Variants in SMAGP observed in about 807,000 individuals in gnomAD.
SMAGP encodes small cell adhesion glycoprotein.
Under a neutral mutation model 10.1 loss-of-function variants are expected in SMAGP, and 7 were observed. That is an observed-to-expected ratio of 0.70 (90% CI 0.40 to 1.31). The LOEUF (loss-of-function observed/expected upper bound fraction) is 1.31, where lower values mean the gene tolerates loss of function less well. SMAGP is among the 50% of genes most tolerant of loss of function. SMAGP has a pLI of 0.01. For synonymous variants in SMAGP, 49 were observed against 47.2 expected, an observed-to-expected ratio of 1.04 and a Z score of -0.16; for missense variants, 113 against 116.5, an observed-to-expected ratio of 0.97 and a Z score of 0.14.
intron 2 of SMAGP, among the ~76,000 whole-genome samples, chr12:51,256,459 C>A (rs897524683): frequency 2.6e-5 from 4 of 152,096 alleles, no homozygotes; most frequent in Non-Finnish European, 5.9e-5. Context: ...CGGTGGCTCA[C>A]GCCAGTAATC....
Position 51,256,537 on chromosome 12 carries a change from C to T in SMAGP, c.35-9706G>A, listed in dbSNP as rs2137302687. On this transcript the variant is annotated intron_variant, in intron 2 of 3. Coordinates refer to ENST00000603798, the MANE Select transcript of SMAGP (RefSeq NM_001031628.2). Reference sequence around the variant, plus strand: ...AGCAGTTCAAGACCAGCCTGACCAACATGGAGAAACCCCATCTCTACTAAA... The same window carrying T: ...AGCAGTTCAAGACCAGCCTGACCAATATGGAGAAACCCCATCTCTACTAAA... Among the ~76,000 whole-genome samples, 2 of 152,248 alleles carry T rather than the reference C, an allele frequency of 1.3e-5. 1 individual carries two copies. The highest frequency in any genetic ancestry group is 2.9e-5 in the Non-Finnish European group (2 of 68,024).
intron 2 of SMAGP, among the ~76,000 whole-genome samples, chr12:51,256,099 A>G (rs1944882525): frequency 6.6e-6 from 1 of 152,066 alleles, no homozygotes; most frequent in African/African-American, 2.4e-5. Flanking sequence ...GACAGCATTG[A>G]TTGCTTTTGC....
intron 2 of SMAGP, among the ~76,000 whole-genome samples, chr12:51,268,616 GT>G (rs1324526796): frequency 1.9e-5 from 1 of 53,592 alleles, no homozygotes; most frequent in Non-Finnish European, 3.9e-5. Context: ...TTTGAGACCG[GT>G]CTCACTTTGT....
At chr12:51,263,918 A>G (rs139951519) in intron 2 of SMAGP, among the ~76,000 whole-genome samples, 10 of 152,176 alleles carry the variant, frequency 6.6e-5, no homozygotes, top group African/African-American at 2.4e-4. Context: ...TTGTTATGCC[A>G]TTCAATTACT....
rs1030849932 is a variant in SMAGP, at chr12:51,246,589, C to A, written c.115+162G>T. The A allele has an allele frequency of 1.2e-5, 6 of 511,538 alleles. No homozygotes were observed. The Admixed American group carries it at 2.4e-4, about 21-fold the overall frequency. The allele number at this position is 511,538 out of a possible 1,614,324, so 31.7% of individuals were successfully genotyped here. On this transcript the variant is annotated intron_variant, in intron 3 of 3. Coordinates refer to ENST00000603798, the MANE Select transcript of SMAGP (RefSeq NM_001031628.2). Reference sequence around the variant, plus strand: ...CTGGTAGTGCCTCTGACAGAAGCCTCCGAGTCTTTTATGGCTGTGTGTGTG... The same window carrying A: ...CTGGTAGTGCCTCTGACAGAAGCCTACGAGTCTTTTATGGCTGTGTGTGTG...
rs574895531 is a variant in SMAGP at position 51,245,413 on chromosome 12, A to G, written c.*528T>C. 2 of 152,940 alleles carry G rather than the reference A, an allele frequency of 1.3e-5. No homozygotes were observed. The highest frequency in any genetic ancestry group is 6.5e-5 in the Admixed American group (1 of 15,288). The allele number at this position is 152,940 out of a possible 1,614,324, so 9.5% of individuals were successfully genotyped here. On this transcript the variant is annotated 3_prime_UTR_variant, in exon 4 of 4. Coordinates refer to ENST00000603798, the MANE Select transcript of SMAGP (RefSeq NM_001031628.2). ...TCACGTAAGCATGAGGTTGTTGGGGAACACGGAAAGGAAGGGCTCAGATTA... is the reference window on the plus strand; with the variant it reads ...TCACGTAAGCATGAGGTTGTTGGGGGACACGGAAAGGAAGGGCTCAGATTA...
intron 2 of SMAGP, among the ~76,000 whole-genome samples, chr12:51,263,846 C>A (rs1448184831): frequency 6.6e-6 from 1 of 152,054 alleles, no homozygotes; most frequent in Non-Finnish European, 1.5e-5. Flanking sequence ...AAATAATTTT[C>A]ATTTCTTTTA....
intron 2 of SMAGP, among the ~76,000 whole-genome samples, chr12:51,263,704 G>A (rs1944948761): frequency 1.3e-5 from 2 of 152,240 alleles, no homozygotes; most frequent in South Asian, 2.1e-4. Context: ...AGCTTTACCT[G>A]GCACGGTGGG....
At chr12:51,246,389 G>C in intron 3 of SMAGP, 1 of 483,550 alleles carries the variant, frequency 2.1e-6, no homozygotes. Flanking sequence ...GATTCTTAAA[G>C]AAACGGGAAG....
intron 2 of SMAGP, among the ~76,000 whole-genome samples, chr12:51,254,414 G>A (rs1944869032): frequency 6.6e-6 from 1 of 152,076 alleles, no homozygotes; most frequent in Non-Finnish European, 1.5e-5. Flanking sequence ...GGGTGTGGTG[G>A]CGTATGCCTG....
chr12:51,253,067 G>A (rs1012097526), intron 2 of SMAGP, among the ~76,000 whole-genome samples: 1 of 152,128 alleles, frequency 6.6e-6, no homozygotes, highest in Non-Finnish European at 1.5e-5. Context: ...AGTCCATAAA[G>A]CAATGGTGAG....
At chr12:51,269,097 T>C in intron 2 of SMAGP, 148 bp downstream of exon 2, 1 of 789,482 alleles carries the variant, frequency 1.3e-6, no homozygotes, top group Non-Finnish European at 2.1e-6. Context: ...CACACTCTAG[T>C]TCCTGCTTCC....
At chr12:51,247,291 CATTAT>C (rs1348395406) in intron 2 of SMAGP, among the ~76,000 whole-genome samples, 9 of 152,178 alleles carry the variant, frequency 5.9e-5, no homozygotes, top group African/African-American at 9.7e-5. Flanking sequence ...TATATATTTA[CATTAT>C]ATTATATAGC....
intron 2 of SMAGP, among the ~76,000 whole-genome samples, chr12:51,259,530 C>T (rs1476188168): frequency 6.6e-6 from 1 of 152,124 alleles, no homozygotes; most frequent in African/African-American, 2.4e-5. Context: ...GAATTTAACA[C>T]ATTCCTTGCT....
intron 2 of SMAGP, among the ~76,000 whole-genome samples, chr12:51,249,243 A>C (rs969948052): frequency 2.0e-5 from 3 of 152,186 alleles, no homozygotes; most frequent in African/African-American, 7.2e-5. Context: ...ATAATAAACC[A>C]GTAAACACAT....
chr12:51,245,978 A>T lies in SMAGP; in HGVS notation c.257T>A (p.Leu86Ter), dbSNP rs778406881. ...TTCCTCTTTCTCGCTGCCCTTGGCC[A>T]AGTCACTCTCCATCTGGACGATGGC... The part of the protein sequence containing the change: ...PSAIVQMESD[L>*]AKGSEKEEYF... The change falls in exon 4 of 4, where the codon TTG becomes TAG. Residue 86 changes from leucine (L) to a stop codon, truncating the protein, a stop_gained. Transcript: ENST00000603798. LOFTEE classifies it high-confidence loss of function. 6.2e-7 allele frequency: 1 copy of T among 1,613,986 alleles called. No homozygotes were observed. Among genetic ancestry groups the T allele is most frequent in the South Asian group, 1.1e-5 (1 of 91,084 alleles).
intron 2 of SMAGP, among the ~76,000 whole-genome samples, chr12:51,248,434 ACTCTCTCTCTCTCTCTCTCTCTCT>A (rs56012746): frequency 2.6e-5 from 2 of 77,468 alleles, no homozygotes; most frequent in Non-Finnish European, 5.2e-5. Context: ...ACACACACAC[ACTCTCTCTCTCTCTCTCTCTCTCT>A]CTCTCTCTCT....
rs1944755010 is a variant in SMAGP at position 51,245,461 on chromosome 12, G to T, written c.*480C>A. On this transcript the variant is annotated 3_prime_UTR_variant, in exon 4 of 4. Transcript: ENST00000603798. ...TTAGGGGGTGTAGCACATTTATCAGGAGGTAAGATCTCCATAGTCTCCTAC... is the reference window on the plus strand; with the variant it reads ...TTAGGGGGTGTAGCACATTTATCAGTAGGTAAGATCTCCATAGTCTCCTAC... 1 of 153,408 alleles carries T rather than the reference G, an allele frequency of 6.5e-6. No individual in the cohort carries two copies. Among genetic ancestry groups the T allele is most frequent in the African/African-American group, 2.4e-5 (1 of 41,432 alleles). 9.5% of individuals were successfully genotyped at this position (153,408 alleles called of 1,614,324 possible).
chr12:51,256,912 G>C (rs1944890745), intron 2 of SMAGP, among the ~76,000 whole-genome samples: 1 of 152,068 alleles, frequency 6.6e-6, no homozygotes, highest in Admixed American at 6.6e-5. Context: ...TGAGCCCAAG[G>C]AGACTGGGGA....
Sources: allele counts gnomAD v4.1 joint callset (sites outside exome capture counted in the v4.1 genomes callset), GRCh38; gene constraint gnomAD v4.1.1; transcripts MANE v1.5; gene names NCBI Gene and HGNC (gene_info 2026-07-23, HGNC 2026-07-21).